Variants in BMX observed in about 807,000 individuals in gnomAD.
BMX encodes the protein cytoplasmic tyrosine-protein kinase BMX.
BMX carries 31 observed loss-of-function variants against 59.2 expected under a neutral mutation model. The observed-to-expected ratio is 0.52, with a 90% confidence interval of 0.39 to 0.71. BMX has a LOEUF of 0.71. Among genes scored for constraint, BMX ranks in the 30% least tolerant of loss-of-function variants. The probability of loss-of-function intolerance (pLI) is 0.00; values close to 1 mark genes in which losing one functional copy is unlikely to be tolerated. For synonymous variants in BMX, 185 were observed against 181.0 expected (o/e 1.02, Z -0.18); for missense variants, 474 against 491.7 (o/e 0.96, Z 0.34).
At chrX:15,509,895 C>T (rs997081947) in intron 3 of BMX, among the ~76,000 whole-genome samples, 8 of 111,773 alleles carry the variant, frequency 7.2e-5, no homozygotes, top group African/African-American at 2.6e-4. Flanking sequence ...TTTCATTCCT[C>T]ACTCCAAGAG....
chrX:15,531,907 G>A (rs1181600195), intron 11 of BMX, among the ~76,000 whole-genome samples: 1 of 111,483 alleles, frequency 9.0e-6, no homozygotes, highest in African/African-American at 3.3e-5. Context: ...TCCTTCCAGG[G>A]CTCTGTCCTC....
intron 13 of BMX, 147 bp downstream of exon 13, chrX:15,536,574 A>T (rs1423990008): frequency 2.9e-5 from 4 of 139,446 alleles, no homozygotes; most frequent in Non-Finnish European, 3.9e-5. Context: ...GATTTTCTTT[A>T]AAAAAAAAAA....
intron 10 of BMX, 23 bp downstream of exon 10, chrX:15,530,050 C>T: frequency 8.4e-7 from 1 of 1,183,552 alleles, no homozygotes; most frequent in Non-Finnish European, 1.1e-6. Flanking sequence ...GTCTTTAAAA[C>T]AGCCTCACAG....
At position 15,549,965 on chromosome X, in the gene BMX, A is replaced by G; in HGVS notation, c.1921A>G (p.Ile641Val). The change falls in exon 18 of 19, where the codon ATC (isoleucine) becomes GTC (valine). Residue 641 changes from isoleucine to valine, a missense_variant. By Grantham distance (29) the Ile-to-Val change is conservative (BLOSUM62 3). Coordinates refer to ENST00000348343, the MANE Select transcript of BMX (RefSeq NM_203281.3). ...LYRPHLASDT[I>V]YQIMYSCWHE... ...CCGGCCCCACCTGGCATCGGACACC[A>G]TCTACCAGATCATGTACAGCTGCTG... 1 of 1,208,555 alleles carries G rather than the reference A, an allele frequency of 8.3e-7. No homozygotes were observed. The highest frequency in any genetic ancestry group is 1.1e-6 in the Non-Finnish European group (1 of 894,106).
At position 15,527,515 on chromosome X, in the gene BMX, T is replaced by TA. The variant is rs916179751; in HGVS notation, c.884+1421dup. Among the ~76,000 whole-genome samples, 3 of 110,083 alleles carry TA rather than the reference T, an allele frequency of 2.7e-5. No homozygotes were observed. The Admixed American group carries it at 2.9e-4, about 11-fold the overall frequency. ...ATAATTGTCTCCTAGATGTAAAGAT[T>TA]AGTGTTAAGAAGAGGTGGGAATAAT... On this transcript the variant is annotated intron_variant, in intron 9 of 18. Transcript: ENST00000348343.
intron 4 of BMX, among the ~76,000 whole-genome samples, chrX:15,513,912 T>C (rs910858414): frequency 8.9e-6 from 1 of 111,852 alleles, no homozygotes; most frequent in African/African-American, 3.2e-5. Context: ...GTAATAACAA[T>C]AGCTACCCCT....
intron 4 of BMX, 85 bp from the exon 5 acceptor site, chrX:15,516,027 T>A: frequency 8.7e-7 from 1 of 1,148,755 alleles, no homozygotes; most frequent in South Asian, 2.0e-5. Flanking sequence ...GTTTTTATTG[T>A]TCTGTGATAA....
intron 14 of BMX, among the ~76,000 whole-genome samples, chrX:15,540,475 A>T (rs184343091): frequency 2.3e-3 from 257 of 110,258 alleles, no homozygotes; most frequent in African/African-American, 7.9e-3. Flanking sequence ...GAAATACCTA[A>T]TGAAGATGAC....
intron 17 of BMX, 117 bp downstream of exon 17, chrX:15,547,038 A>G: frequency 1.8e-6 from 1 of 564,872 alleles, no homozygotes; most frequent in Non-Finnish European, 2.8e-6. Context: ...ACGAAGTTAC[A>G]CATATAGCCT....
At chrX:15,507,567 T>C (rs1476878504) in intron 1 of BMX, among the ~76,000 whole-genome samples, 1 of 112,548 alleles carries the variant, frequency 8.9e-6, no homozygotes, top group Non-Finnish European at 1.9e-5. Flanking sequence ...TCAGACCTGA[T>C]ATTAGACTGA....
chrX:15,534,946 T>C (rs1925262397), intron 12 of BMX, among the ~76,000 whole-genome samples: 1 of 111,491 alleles, frequency 9.0e-6, no homozygotes, highest in African/African-American at 3.3e-5. Context: ...TAGCCCTCTG[T>C]TGATTAGCAG....
rs377549756 is a variant in BMX, at chrX:15,520,851, C to G, written c.511-1495C>G. 1.5e-3 allele frequency among the ~76,000 whole-genome samples: 164 copies of G among 111,038 alleles called. 1 individual carries two copies. Among genetic ancestry groups the G allele is most frequent in the African/African-American group, 5.1e-3 (155 of 30,530 alleles). On this transcript the variant is annotated intron_variant, in intron 6 of 18. Coordinates refer to ENST00000348343, the MANE Select transcript of BMX (RefSeq NM_203281.3). ...AAATGATTTCCATTTAAGGAACTTC[C>G]TAGTGCATTTTTCTTTGGACATAAC...
At chrX:15,509,490 C>T (rs1389402030) in intron 3 of BMX, 57 bp downstream of exon 3, 5 of 783,732 alleles carry the variant, frequency 6.4e-6, no homozygotes, top group Non-Finnish European at 9.2e-6. Flanking sequence ...ATTTTTCTAT[C>T]GTGAACTCAA....
At chrX:15,522,613 GC>G (rs772853119) in intron 7 of BMX, 26 bp downstream of exon 7, 1 of 1,207,956 alleles carries the variant, frequency 8.3e-7, no homozygotes, top group Non-Finnish European at 1.1e-6. Context: ...CAGACGGGCT[GC>G]CCAGCATGTA....
At position 15,536,440 on chromosome X, in the gene BMX, A is replaced by G; in HGVS notation, c.1222+13A>G. 1 of 1,176,546 alleles carries G rather than the reference A, an allele frequency of 8.5e-7. No homozygotes were observed. The highest frequency in any genetic ancestry group is 1.9e-5 in the South Asian group (1 of 52,857). On this transcript the variant is annotated intron_variant, in intron 13 of 18. Coordinates refer to ENST00000348343, the MANE Select transcript of BMX (RefSeq NM_203281.3). ...TCCCTGGGAAATGGTATGGATACAT[A>G]CTTGGGTTCTTAAACTCCATTTTCC...
At chrX:15,540,606 C>T (rs1462437580) in intron 14 of BMX, among the ~76,000 whole-genome samples, 1 of 110,685 alleles carries the variant, frequency 9.0e-6, no homozygotes, top group Non-Finnish European at 1.9e-5. Flanking sequence ...TCAACTTCTG[C>T]GTGGCAACAA....
Position 15,537,590 on chromosome X carries a change from A to C in BMX, c.1394+285A>C, listed in dbSNP as rs192334564. ...CAGCCTCTGGCCTGTGGTCTTCCAAACTCCACCCCTCCTGCTTCTCCCCTC... is the reference window on the plus strand; with the variant it reads ...CAGCCTCTGGCCTGTGGTCTTCCAACCTCCACCCCTCCTGCTTCTCCCCTC... On this transcript the variant is annotated intron_variant, in intron 14 of 18. Transcript: ENST00000348343. Among the ~76,000 whole-genome samples the C allele has an allele frequency of 7.2e-5, 8 of 110,998 alleles. No homozygotes were observed. The Admixed American group carries it at 7.6e-4, about 11-fold the overall frequency.
At chrX:15,526,584 ATTT>A (rs750402294) in intron 9 of BMX, among the ~76,000 whole-genome samples, 2 of 91,674 alleles carry the variant, frequency 2.2e-5, no homozygotes, top group Admixed American at 1.2e-4. Flanking sequence ...TGACCTTGTC[ATTT>A]TTTTTTTTTT....
intron 6 of BMX, among the ~76,000 whole-genome samples, chrX:15,519,568 T>G (rs1027597410): frequency 9.0e-6 from 1 of 111,538 alleles, no homozygotes; most frequent in Admixed American, 9.5e-5. Flanking sequence ...AGATTGGAGT[T>G]ATGTTACCAC....
Sources: allele counts gnomAD v4.1 joint callset (sites outside exome capture counted in the v4.1 genomes callset), GRCh38; gene constraint gnomAD v4.1.1; transcripts MANE v1.5; gene names NCBI Gene and HGNC (gene_info 2026-07-23, HGNC 2026-07-21).